Variants in PRIMA1 observed in about 807,000 individuals in gnomAD.
PRIMA1 encodes the protein proline rich membrane anchor 1.
In PRIMA1, 7 loss-of-function variants were observed where a neutral mutation model predicts 17.5. The observed-to-expected ratio is 0.40, with a 90% CI of 0.23 to 0.75. The LOEUF is 0.75. Ranked by LOEUF, PRIMA1 falls within the 30% of genes least tolerant of loss-of-function variation. PRIMA1 has a pLI of 0.37. For missense variants in PRIMA1, 200 were observed against 201.8 expected (o/e 0.99, Z 0.05); for synonymous variants, 97 against 77.9 (o/e 1.25, Z -1.29).
chr14:93,783,106 C>T (rs903538976), intron 2 of PRIMA1, among the ~76,000 whole-genome samples: 21 of 152,214 alleles, frequency 1.4e-4, no homozygotes, highest in African/African-American at 5.1e-4. Flanking sequence ...CTGTCTGGGA[C>T]ATTTCCATGC....
At chr14:93,778,008 T>G (rs117794402) in intron 3 of PRIMA1, among the ~76,000 whole-genome samples, 1,843 of 152,332 alleles carry the variant, frequency 0.012, 19 homozygotes, top group Admixed American at 0.023. Flanking sequence ...GCCCAGGGAT[T>G]CTTTCAGGAG....
chr14:93,742,408 C>T (rs1212989527), intron 3 of PRIMA1, among the ~76,000 whole-genome samples: 1 of 152,176 alleles, frequency 6.6e-6, no homozygotes, highest in Non-Finnish European at 1.5e-5. Context: ...GTAGAAGCAG[C>T]CAGTGGTGAG....
At chr14:93,734,408 G>T (rs1438932098) in intron 4 of PRIMA1, among the ~76,000 whole-genome samples, 1 of 152,154 alleles carries the variant, frequency 6.6e-6, no homozygotes, top group Non-Finnish European at 1.5e-5. Flanking sequence ...TGCCTGTTTT[G>T]GGGCTGCTTC....
intron 4 of PRIMA1, among the ~76,000 whole-genome samples, chr14:93,722,678 G>GT (rs2076048267): frequency 3.0e-5 from 1 of 33,508 alleles, no homozygotes; most frequent in African/African-American, 1.2e-4. Context: ...AATGATGATG[G>GT]GGTGATGATG....
chr14:93,787,782 C>G, intron 1 of PRIMA1, 33 bp from the exon 2 acceptor site: 1 of 1,519,626 alleles, frequency 6.6e-7, no homozygotes, highest in Non-Finnish European at 8.8e-7. Flanking sequence ...GTCAGGCGGA[C>G]ACCGCGCAGG....
intron 4 of PRIMA1, among the ~76,000 whole-genome samples, chr14:93,734,725 C>T (rs530591590): frequency 3.9e-5 from 6 of 152,076 alleles, no homozygotes; most frequent in Non-Finnish European, 5.9e-5. Context: ...CTAGAAGAAG[C>T]CCCGCCCACG....
chr14:93,738,337 G>C (rs1408452836), intron 3 of PRIMA1, among the ~76,000 whole-genome samples: 1 of 152,168 alleles, frequency 6.6e-6, no homozygotes, highest in Non-Finnish European at 1.5e-5. Context: ...GGGCTTCTGG[G>C]AAGACTCAGA....
rs949748114 is a variant in PRIMA1 at position 93,756,929 on chromosome 14, G to A, written c.230-19559C>T. Among the ~76,000 whole-genome samples, 11 of 152,178 alleles carry A rather than the reference G, an allele frequency of 7.2e-5. 1 individual carries two copies. In the Middle Eastern group the frequency reaches 0.014, roughly 188 times the overall value. ...GCCAGTCTCTCTGCCTGCCCTCCACGGTACCCAGGGGGTTCTTTGTAAAGT... is the reference window on the plus strand; with the variant it reads ...GCCAGTCTCTCTGCCTGCCCTCCACAGTACCCAGGGGGTTCTTTGTAAAGT... On this transcript the variant is annotated intron_variant, in intron 3 of 4. Coordinates refer to ENST00000393140, the MANE Select transcript of PRIMA1 (RefSeq NM_178013.4).
At chr14:93,787,874 C>A in intron 1 of PRIMA1, 125 bp from the exon 2 acceptor site, 2 of 1,084,000 alleles carry the variant, frequency 1.8e-6, no homozygotes, top group Non-Finnish European at 2.6e-6. Flanking sequence ...CCTAGTAAAC[C>A]AAGCCTGCAC....
Position 93,779,269 on chromosome 14 carries a change from C to G in PRIMA1, c.136G>C (p.Asp46His). 6.5e-7 allele frequency: 1 copy of G among 1,545,048 alleles called. No individual in the cohort carries two copies. Among genetic ancestry groups the G allele is most frequent in the Non-Finnish European group, 8.7e-7 (1 of 1,152,806 alleles). Residue 46 changes from aspartate (D) to histidine (H), a missense_variant, in exon 3 of 5, where the codon GAC (aspartate) becomes CAC (histidine). Transcript: ENST00000393140. ...CACTGGCAGACGTGTCGGCAGCTGT[C>G]AGTCACTTTGGAGCAGGACTTCTGG... ...EPQKSCSKVT[D>H]SCRHVCQCRP...
At chr14:93,725,437 G>A (rs912990050) in intron 4 of PRIMA1, among the ~76,000 whole-genome samples, 6 of 152,074 alleles carry the variant, frequency 3.9e-5, no homozygotes, top group Admixed American at 2.0e-4. Flanking sequence ...TCCCTAAAGC[G>A]AAGACGGCTC....
chr14:93,738,500 C>A (rs1255343507), intron 3 of PRIMA1, among the ~76,000 whole-genome samples: 1 of 152,170 alleles, frequency 6.6e-6, no homozygotes, highest in African/African-American at 2.4e-5. Context: ...ACAGTATTAA[C>A]TTTGGACAGG....
chr14:93,768,475 C>T (rs1040515755), intron 3 of PRIMA1, among the ~76,000 whole-genome samples: 2 of 152,252 alleles, frequency 1.3e-5, no homozygotes. Context: ...TTTAAACTCC[C>T]GTCTAGGGTG....
chr14:93,758,476 G>A (rs1413669097), intron 3 of PRIMA1, among the ~76,000 whole-genome samples: 1 of 151,494 alleles, frequency 6.6e-6, no homozygotes, highest in Non-Finnish European at 1.5e-5. Context: ...GTGTGCACCT[G>A]TAATCCCAGC....
At chr14:93,768,868 C>T (rs545140742) in intron 3 of PRIMA1, among the ~76,000 whole-genome samples, 5 of 145,186 alleles carry the variant, frequency 3.4e-5, no homozygotes, top group African/African-American at 1.0e-4. Context: ...TGCAGTGGTG[C>T]GATCTTGGCT....
At chr14:93,756,532 G>A (rs908655015) in intron 3 of PRIMA1, among the ~76,000 whole-genome samples, 9 of 152,008 alleles carry the variant, frequency 5.9e-5, no homozygotes, top group African/African-American at 9.7e-5. Context: ...TCCTGGCCCC[G>A]GACCCCGACC....
chr14:93,732,329 G>A (rs2076119912), intron 4 of PRIMA1, among the ~76,000 whole-genome samples: 1 of 152,226 alleles, frequency 6.6e-6, no homozygotes, highest in African/African-American at 2.4e-5. Context: ...GCACAGGCCT[G>A]TGGGGCTCCC....
chr14:93,755,519 G>A (rs1303264410), intron 3 of PRIMA1, among the ~76,000 whole-genome samples: 1 of 152,140 alleles, frequency 6.6e-6, no homozygotes, highest in Non-Finnish European at 1.5e-5. Context: ...AGTAGGAATG[G>A]GGTTCTTTGT....
intron 4 of PRIMA1, among the ~76,000 whole-genome samples, chr14:93,734,692 C>T (rs1468805902): frequency 1.3e-5 from 2 of 151,760 alleles, no homozygotes; most frequent in African/African-American, 4.8e-5. Context: ...GCCCACACCA[C>T]ATAAGGATCC....
Sources: gnomAD v4.1 joint callset for allele counts (sites outside exome capture counted in the v4.1 genomes callset) on GRCh38, gnomAD v4.1.1 for gene constraint, MANE v1.5 for transcripts, NCBI Gene and HGNC (gene_info 2026-07-23, HGNC 2026-07-21) for gene names.